The following KCNH1 variants were observed in gnomAD, a reference collection of about 807,000 sequenced individuals.
KCNH1 encodes the protein voltage-gated delayed rectifier potassium channel KCNH1.
In KCNH1, 27 loss-of-function variants were observed where a neutral mutation model predicts 69.2. The observed-to-expected ratio is 0.39, with a 90% confidence interval of 0.29 to 0.54. The LOEUF is 0.54. Ranked by LOEUF, KCNH1 falls within the 20% of genes least tolerant of loss-of-function variation. The pLI, the probability that KCNH1 is intolerant of heterozygous loss-of-function variation, is 0.68. For synonymous variants in KCNH1, 456 were observed against 487.7 expected (o/e 0.93, Z 0.86); for missense variants, 798 against 1,261.6 (o/e 0.63, Z 5.57).
At chr1:210,988,938 C>G (rs1688893435) in intron 6 of KCNH1, among the ~76,000 whole-genome samples, 1 of 152,202 alleles carries the variant, frequency 6.6e-6, no homozygotes, top group South Asian at 2.1e-4. Context: ...TTGTGTGTCT[C>G]TATCATGGCT....
intron 5 of KCNH1, among the ~76,000 whole-genome samples, chr1:211,051,851 C>T (rs1467197896): frequency 6.6e-6 from 1 of 152,054 alleles, no homozygotes; most frequent in Non-Finnish European, 1.5e-5. Flanking sequence ...ATTAGGGAGG[C>T]TAAGTAACTT....
intron 10 of KCNH1, among the ~76,000 whole-genome samples, chr1:210,701,630 C>T (rs1411629252): frequency 6.6e-6 from 1 of 151,840 alleles, no homozygotes; most frequent in Non-Finnish European, 1.5e-5. Context: ...ATCTTCCTTC[C>T]TTCCATCTTT....
At chr1:210,758,764 C>T (rs115545151) in intron 10 of KCNH1, among the ~76,000 whole-genome samples, 95 of 152,246 alleles carry the variant, frequency 6.2e-4, no homozygotes, top group African/African-American at 2.2e-3. Context: ...TGTTGGGGCT[C>T]AGGGAGCATG....
chr1:210,912,659 AG>A (rs1687258233), intron 7 of KCNH1, among the ~76,000 whole-genome samples: 1 of 152,208 alleles, frequency 6.6e-6, no homozygotes. Flanking sequence ...GCACTAGGCT[AG>A]GTACTTTTGT....
intron 10 of KCNH1, among the ~76,000 whole-genome samples, chr1:210,737,582 G>T (rs1423992997): frequency 6.6e-6 from 1 of 152,030 alleles, no homozygotes; most frequent in Non-Finnish European, 1.5e-5. Context: ...TATATAGTTA[G>T]CCCAGAACTC....
At chr1:210,978,318 A>T (rs999739183) in intron 6 of KCNH1, among the ~76,000 whole-genome samples, 1 of 152,160 alleles carries the variant, frequency 6.6e-6, no homozygotes, top group Non-Finnish European at 1.5e-5. Context: ...GATTACAGGC[A>T]TGAGCCACCG....
At position 210,849,365 on chromosome 1, in the gene KCNH1, C is replaced by CTTTTTTT. The variant is rs150451228; in HGVS notation, c.1463-45206_1463-45200dup. 4.9e-4 allele frequency among the ~76,000 whole-genome samples: 63 copies of CTTTTTTT among 127,998 alleles called. 1 individual carries two copies. The highest frequency in any genetic ancestry group is 6.2e-4 in the African/African-American group (21 of 33,990). The allele number at this position is 127,998 out of a possible 152,430, so 84.0% of individuals were successfully genotyped here. A position where few individuals can be genotyped will look rare whatever the true frequency, so the allele number is the denominator to read the frequency against. ...TGCGTGTGTGTGCTTTTCTTTCTTT[C>CTTTTTTT]TTTTTTTTTTTTTTTTTGAGACGGA... is the stretch of plus-strand genomic sequence containing the variant. On this transcript the variant is annotated intron_variant, in intron 7 of 10. Transcript: ENST00000271751.
intron 3 of KCNH1, among the ~76,000 whole-genome samples, chr1:211,091,140 C>A (rs898971888): frequency 3.9e-5 from 6 of 152,166 alleles, no homozygotes; most frequent in African/African-American, 1.4e-4. Context: ...GGGTCAAAAT[C>A]CAGTTTAGGA....
intron 5 of KCNH1, among the ~76,000 whole-genome samples, chr1:211,069,931 C>T (rs1307828761): frequency 6.6e-6 from 1 of 152,102 alleles, no homozygotes; most frequent in East Asian, 1.9e-4. Context: ...TTCCCTAAAA[C>T]ATTTCAGAAA....
chr1:210,774,327 T>C (rs1302670829), intron 10 of KCNH1, among the ~76,000 whole-genome samples: 1 of 152,020 alleles, frequency 6.6e-6, no homozygotes, highest in Admixed American at 6.6e-5. Context: ...ATGAAGAGCT[T>C]TGTGTCCTGA....
intron 7 of KCNH1, among the ~76,000 whole-genome samples, chr1:210,838,403 A>C (rs1685332140): frequency 6.6e-6 from 1 of 152,202 alleles, no homozygotes; most frequent in African/African-American, 2.4e-5. Context: ...CTTACGCCTT[A>C]TATAAAAATC....
At chr1:210,967,028 T>G (rs897916964) in intron 6 of KCNH1, among the ~76,000 whole-genome samples, 5 of 151,926 alleles carry the variant, frequency 3.3e-5, no homozygotes, top group African/African-American at 7.2e-5. Flanking sequence ...TGGAATATTA[T>G]GCAGCCATAA....
At chr1:210,965,110 A>T (rs906945440) in intron 6 of KCNH1, among the ~76,000 whole-genome samples, 9 of 152,232 alleles carry the variant, frequency 5.9e-5, no homozygotes, top group Admixed American at 2.6e-4. Context: ...CAAAATAACA[A>T]GAACTATTTA....
rs4951719 is a variant in KCNH1 at position 211,120,976 on chromosome 1, G to C, written c.79+12891C>G. Reference sequence around the variant, plus strand: ...AATACCTAGGAATACAGCTAACAAGGGATGTGAAGGACCTCTTCAAGGAGA... The same window carrying C: ...AATACCTAGGAATACAGCTAACAAGCGATGTGAAGGACCTCTTCAAGGAGA... On this transcript the variant is annotated intron_variant, in intron 1 of 10. Transcript: ENST00000271751. Among the ~76,000 whole-genome samples the C allele has an allele frequency of 5.7e-3, 870 of 152,196 alleles. 35 individuals carry two copies. Among genetic ancestry groups the C allele is most frequent in the Admixed American group, 0.05 (767 of 15,286 alleles).
chr1:210,977,613 T>C (rs1453588585), intron 6 of KCNH1, among the ~76,000 whole-genome samples: 1 of 152,198 alleles, frequency 6.6e-6, no homozygotes, highest in Non-Finnish European at 1.5e-5. Context: ...TTTTTTGGCA[T>C]GAAATTACAT....
chr1:210,968,158 A>T (rs1574368149), intron 6 of KCNH1, among the ~76,000 whole-genome samples: 1 of 146,018 alleles, frequency 6.8e-6, no homozygotes, highest in Non-Finnish European at 1.5e-5. Context: ...GAGAATGATG[A>T]TTTCCAATTT....
chr1:211,084,926 C>T (rs966844367), intron 4 of KCNH1, among the ~76,000 whole-genome samples: 4 of 152,020 alleles, frequency 2.6e-5, no homozygotes, highest in African/African-American at 9.7e-5. Flanking sequence ...TCAGAGAGCA[C>T]ACACTCTAGC....
At chr1:211,079,490 C>G (rs1050941540) in intron 5 of KCNH1, among the ~76,000 whole-genome samples, 11 of 152,124 alleles carry the variant, frequency 7.2e-5, no homozygotes, top group Admixed American at 2.0e-4. Context: ...ATCCTGATAC[C>G]AAAGCCTGGC....
At chr1:210,876,416 A>G (rs6668151) in intron 7 of KCNH1, among the ~76,000 whole-genome samples, 36,430 of 151,916 alleles carry the variant, frequency 0.24, 4,527 homozygotes, top group African/African-American at 0.32. Flanking sequence ...ACAGCCACTC[A>G]TTGGAATTTG....
Sources: gnomAD v4.1 joint callset for allele counts (sites outside exome capture counted in the v4.1 genomes callset) on GRCh38, gnomAD v4.1.1 for gene constraint, MANE v1.5 for transcripts, NCBI Gene and HGNC (gene_info 2026-07-23, HGNC 2026-07-21) for gene names.